ARID1B: variants seen among roughly 807,000 people sequenced by gnomAD.
The protein encoded by ARID1B is AT-rich interaction domain 1B.
Under a neutral mutation model 212.3 loss-of-function variants are expected in ARID1B, and 30 were observed. That is an observed-to-expected ratio of 0.14 (90% CI 0.11 to 0.19). The LOEUF (loss-of-function observed/expected upper bound fraction) is 0.19, where lower values mean the gene tolerates loss of function less well. ARID1B is among the 10% of genes least tolerant of loss of function. ARID1B has a pLI of 1.00. For synonymous variants in ARID1B, 1,402 were observed against 1,301.7 expected (o/e 1.08, Z -1.66); for missense variants, 2,891 against 3,204.0 (o/e 0.90, Z 2.36).
rs779622340 is a variant in ARID1B, at chr6:156,779,180, G to C, written c.1500G>C (p.Pro500=). 2 of 1,332,570 alleles carry C rather than the reference G, an allele frequency of 1.5e-6. No homozygotes were observed. The highest frequency in any genetic ancestry group is 1.9e-6 in the Non-Finnish European group (2 of 1,033,032). 82.5% of individuals were successfully genotyped at this position (1,332,570 alleles called of 1,614,324 possible). The change falls in exon 1 of 20, where the codon CCG becomes CCC. Residue 500 remains proline (P), a synonymous_variant. Transcript: ENST00000636930. ...ACCAGCACCCGTCGGGGGCCACCCC[G>C]ACCCTCAATCAGCTGCTCACCTCGC... is the stretch of plus-strand genomic sequence containing the variant. ...GQNQHPSGAT[P]TLNQLLTSPS... is the part of the protein sequence containing the mutation.
intron 1 of ARID1B, among the ~76,000 whole-genome samples, chr6:156,790,594 A>G (rs1364739726): frequency 6.6e-6 from 1 of 152,178 alleles, no homozygotes; most frequent in Non-Finnish European, 1.5e-5. Context: ...ATTATTGTTG[A>G]CTGTTGGAAA....
At chr6:156,834,049 A>C (rs577139205) in intron 2 of ARID1B, among the ~76,000 whole-genome samples, 3 of 152,192 alleles carry the variant, frequency 2.0e-5, no homozygotes, top group Non-Finnish European at 2.9e-5. Flanking sequence ...TATATTGTTG[A>C]TCTATTCTGG....
intron 3 of ARID1B, among the ~76,000 whole-genome samples, chr6:156,906,273 C>T (rs1270432196): frequency 6.6e-6 from 1 of 151,962 alleles, no homozygotes; most frequent in African/African-American, 2.4e-5. Context: ...TAAAGAAGCA[C>T]CAGCCACCTC....
chr6:156,843,364 A>G (rs13205041), intron 2 of ARID1B, among the ~76,000 whole-genome samples: 251 of 152,356 alleles, frequency 1.6e-3, no homozygotes, highest in South Asian at 0.012. Flanking sequence ...AGTTAAGCTT[A>G]CTTACTTTGA....
chr6:157,001,712 G>A (rs1221257337), intron 4 of ARID1B, among the ~76,000 whole-genome samples: 1 of 152,150 alleles, frequency 6.6e-6, no homozygotes. Flanking sequence ...GTATTCCTGG[G>A]CTTATAAGCA....
chr6:156,797,636 G>C (rs1780480017), intron 1 of ARID1B, among the ~76,000 whole-genome samples: 1 of 152,190 alleles, frequency 6.6e-6, no homozygotes, highest in Non-Finnish European at 1.5e-5. Flanking sequence ...TCCTGCTTTT[G>C]GATCATCTCA....
chr6:157,029,840 G>A (rs912580222), intron 4 of ARID1B, among the ~76,000 whole-genome samples: 5 of 152,166 alleles, frequency 3.3e-5, no homozygotes, highest in African/African-American at 4.8e-5. Flanking sequence ...TAAGCAGCTC[G>A]GCTTAATTTT....
rs555579740 is a variant in ARID1B, at chr6:156,817,221, C to CA, written c.1792-11997dup. 2.0e-3 allele frequency among the ~76,000 whole-genome samples: 294 copies of CA among 150,126 alleles called. 1 individual carries two copies. Among genetic ancestry groups the CA allele is most frequent in the Non-Finnish European group, 1.3e-3 (86 of 67,482 alleles). On this transcript the variant is annotated intron_variant, in intron 1 of 19. Transcript: ENST00000636930. Reference sequence around the variant, plus strand: ...CAAAACCCTGTCTCTACTAAAAATACAAAAAAAAATTAGCCAGGCGTGGTG... The same window carrying CA: ...CAAAACCCTGTCTCTACTAAAAATACAAAAAAAAAATTAGCCAGGCGTGGTG...
At chr6:157,026,514 G>A (rs553764442) in intron 4 of ARID1B, among the ~76,000 whole-genome samples, 24 of 152,106 alleles carry the variant, frequency 1.6e-4, no homozygotes, top group Non-Finnish European at 2.8e-4. Flanking sequence ...AAGTGGCGGC[G>A]CCTGCCTTCT....
At chr6:156,785,830 G>T (rs1182932379) in intron 1 of ARID1B, among the ~76,000 whole-genome samples, 1 of 152,058 alleles carries the variant, frequency 6.6e-6, no homozygotes, top group Non-Finnish European at 1.5e-5. Flanking sequence ...GATGCTAATG[G>T]TTTTTTTGTT....
Position 157,200,866 on chromosome 6 carries a change from G to A in ARID1B, c.4641G>A (p.Pro1547=), listed in dbSNP as rs146625434. The A allele has an allele frequency of 1.0e-4, 164 of 1,614,042 alleles. No individual in the cohort carries two copies. Among genetic ancestry groups the A allele is most frequent in the East Asian group, 2.0e-4 (9 of 44,878 alleles). Residue 1547 remains proline (P), a synonymous_variant, in exon 18 of 20, where the codon CCG becomes CCA. Transcript: ENST00000636930. This position sits in a 1 kb window ranked among gnomAD's most constrained non-coding sequence, Gnocchi z 4.3. ...GCAGGCCCATCCAGGGCCAGTACCC[G>A]TATCCCTACAGCAGGGAGAGGATGC... The part of the protein sequence containing the change: ...PDRRPIQGQY[P]YPYSRERMQG...
At chr6:156,864,650 T>C (rs1301216584) in intron 2 of ARID1B, among the ~76,000 whole-genome samples, 1 of 152,156 alleles carries the variant, frequency 6.6e-6, no homozygotes, top group Non-Finnish European at 1.5e-5. Flanking sequence ...TGAGGATACC[T>C]TCATGTCTAG....
chr6:156,925,135 C>T (rs898014656), intron 3 of ARID1B, among the ~76,000 whole-genome samples: 3 of 152,182 alleles, frequency 2.0e-5, no homozygotes, highest in African/African-American at 7.2e-5. Context: ...GATGGCTGCT[C>T]TTGGTATTGC....
chr6:156,945,233 C>CTGTT (rs1793016920), intron 4 of ARID1B, among the ~76,000 whole-genome samples: 1 of 32,642 alleles, frequency 3.1e-5, no homozygotes, highest in Non-Finnish European at 5.8e-5. Context: ...CCGCATCCGG[C>CTGTT]TTTTTTTTTT....
intron 4 of ARID1B, among the ~76,000 whole-genome samples, chr6:156,987,159 C>CAGAGAGAGAGAG (rs56189333): frequency 4.0e-4 from 56 of 141,622 alleles, no homozygotes; most frequent in African/African-American, 1.2e-3. Context: ...GCCTCGGTGA[C>CAGAGAGAGAGAG]AGAGAGAGAG....
At chr6:156,816,491 TAAAG>T (rs1489346240) in intron 1 of ARID1B, among the ~76,000 whole-genome samples, 4 of 152,196 alleles carry the variant, frequency 2.6e-5, no homozygotes, top group African/African-American at 9.7e-5. Flanking sequence ...TATCTGGCCT[TAAAG>T]AACTTACTGT....
At chr6:156,792,678 G>C (rs1185885595) in intron 1 of ARID1B, among the ~76,000 whole-genome samples, 1 of 152,146 alleles carries the variant, frequency 6.6e-6, no homozygotes, top group Admixed American at 6.5e-5. Flanking sequence ...AGCAAAAGGA[G>C]GGGTGCTTAG....
chr6:156,783,616 GA>G (rs1417498553), intron 1 of ARID1B, among the ~76,000 whole-genome samples: 4 of 152,142 alleles, frequency 2.6e-5, no homozygotes, highest in African/African-American at 9.7e-5. Context: ...CAGGCAAACC[GA>G]AAAGATGATC....
rs957718999 is a variant in ARID1B, at chr6:156,873,917, G to A, written c.1987-27459G>A. On this transcript the variant is annotated intron_variant, in intron 2 of 19. Coordinates refer to ENST00000636930, the MANE Select transcript of ARID1B (RefSeq NM_001374828.1). ...GCCAAAGCATTTCTCAGATACCCACGGCCTCCTCAGAAACAGCTCTTCCTC... is the reference window on the plus strand; with the variant it reads ...GCCAAAGCATTTCTCAGATACCCACAGCCTCCTCAGAAACAGCTCTTCCTC... Among the ~76,000 whole-genome samples, 8 of 152,072 alleles carry A rather than the reference G, an allele frequency of 5.3e-5. No individual in the cohort carries two copies. In the South Asian group the frequency reaches 1.7e-3, roughly 32 times the overall value.
Sources: gnomAD v4.1 joint callset for allele counts (sites outside exome capture counted in the v4.1 genomes callset) on GRCh38, gnomAD v4.1.1 for gene constraint, Gnocchi (gnomAD v3.1) non-coding constraint, MANE v1.5 for transcripts, NCBI Gene and HGNC (gene_info 2026-07-23, HGNC 2026-07-21) for gene names.